Variants in NCKAP5 observed in about 807,000 individuals in gnomAD.
The protein encoded by NCKAP5 is NCK associated protein 5, also known as nck-associated protein 5.
In NCKAP5, 92 loss-of-function variants were observed where a neutral mutation model predicts 167.0. The observed-to-expected ratio is 0.55, with a 90% CI of 0.47 to 0.66. NCKAP5 has a LOEUF of 0.66. Ranked by LOEUF, NCKAP5 falls within the 30% of genes least tolerant of loss-of-function variation. The pLI is 0.00. For missense variants in NCKAP5, 2,378 were observed against 2,315.0 expected, an observed-to-expected ratio of 1.03 and a Z score of -0.56; for synonymous variants, 891 against 877.4, an observed-to-expected ratio of 1.02 and a Z score of -0.27.
intron 3 of NCKAP5, among the ~76,000 whole-genome samples, chr2:133,315,667 A>G (rs1352571632): frequency 6.6e-6 from 1 of 151,908 alleles, no homozygotes; most frequent in East Asian, 1.9e-4. Context: ...GAGGCCAGTG[A>G]GGGAGGAACA....
chr2:133,230,843 CAG>C (rs1434317110), intron 4 of NCKAP5, among the ~76,000 whole-genome samples: 1 of 152,112 alleles, frequency 6.6e-6, no homozygotes, highest in African/African-American at 2.4e-5. Flanking sequence ...TTTGTTTTTA[CAG>C]GTAAAGGATT....
chr2:133,372,519 T>A (rs1685870178), intron 3 of NCKAP5, among the ~76,000 whole-genome samples: 1 of 152,232 alleles, frequency 6.6e-6, no homozygotes, highest in Non-Finnish European at 1.5e-5. Flanking sequence ...TCCACTGGCT[T>A]AATTATTTCT....
At chr2:133,343,838 G>A (rs1173401480) in intron 3 of NCKAP5, among the ~76,000 whole-genome samples, 1 of 152,172 alleles carries the variant, frequency 6.6e-6, no homozygotes, top group Non-Finnish European at 1.5e-5. Flanking sequence ...TCGGAAGGAT[G>A]TGATTTGTAG....
intron 2 of NCKAP5, among the ~76,000 whole-genome samples, chr2:133,532,719 G>C (rs1685462124): frequency 6.6e-6 from 1 of 152,038 alleles, no homozygotes; most frequent in African/African-American, 2.4e-5. Context: ...TTGCCTGCCT[G>C]CCACCCAGAA....
chr2:132,857,437 T>G (rs1400804023), intron 11 of NCKAP5, among the ~76,000 whole-genome samples: 1 of 152,182 alleles, frequency 6.6e-6, no homozygotes, highest in East Asian at 1.9e-4. Flanking sequence ...TCAGCTCAAC[T>G]GGTAAGACAA....
intron 4 of NCKAP5, among the ~76,000 whole-genome samples, chr2:133,219,546 C>A (rs1184140415): frequency 1.3e-5 from 2 of 152,124 alleles, no homozygotes; most frequent in African/African-American, 4.8e-5. Flanking sequence ...AAGAGCACTC[C>A]AACTCTAAGT....
chr2:132,912,628 A>G (rs1694545410), intron 8 of NCKAP5, among the ~76,000 whole-genome samples: 1 of 152,138 alleles, frequency 6.6e-6, no homozygotes, highest in Non-Finnish European at 1.5e-5. Context: ...GTCCTTCCAG[A>G]GGCTAAGAAT....
the NCKAP5 span, among the ~76,000 whole-genome samples, chr2:133,577,645 C>T: frequency 6.6e-6 from 1 of 152,074 alleles, no homozygotes; most frequent in Non-Finnish European, 1.5e-5. Flanking sequence ...TTAGGTATAT[C>T]TCCTAATGCT....
the NCKAP5 span, among the ~76,000 whole-genome samples, chr2:133,575,850 A>C: frequency 6.6e-6 from 1 of 152,120 alleles, no homozygotes; most frequent in African/African-American, 2.4e-5. Context: ...AGCTCTTTTG[A>C]CCCATAGCAA....
At chr2:133,640,339 T>G in the NCKAP5 span, among the ~76,000 whole-genome samples, 3 of 152,160 alleles carry the variant, frequency 2.0e-5, no homozygotes, top group Admixed American at 6.5e-5. Context: ...GAAATTCACA[T>G]GAGTAGGGAA....
intron 5 of NCKAP5, among the ~76,000 whole-genome samples, chr2:133,138,978 C>T (rs1209185222): frequency 1.3e-5 from 2 of 152,210 alleles, no homozygotes; most frequent in African/African-American, 4.8e-5. Flanking sequence ...TTGCTTTAAA[C>T]TCACGAATTA....
intron 8 of NCKAP5, 133 bp from the exon 9 acceptor site, chr2:132,879,049 C>T: frequency 1.4e-6 from 1 of 703,912 alleles, no homozygotes; most frequent in Non-Finnish European, 2.5e-6. Flanking sequence ...ATGACAAGTT[C>T]ACTCTAAGTA....
At chr2:133,495,698 G>C (rs1054875286) in intron 3 of NCKAP5, among the ~76,000 whole-genome samples, 3 of 152,182 alleles carry the variant, frequency 2.0e-5, no homozygotes, top group African/African-American at 7.2e-5. Context: ...CTGTGGAGGG[G>C]GAAGGTGGAA....
chr2:132,734,865 A>C lies in NCKAP5; in HGVS notation c.5129-2814T>G, dbSNP rs1691357692. On this transcript the variant is annotated intron_variant, in intron 16 of 19. Transcript: ENST00000409261. ...CCGCAGAAGCACAAGTAAACCCCAA[A>C]GTGGGCTCTGCTCAGTTCATAGCCA... is the stretch of plus-strand genomic sequence containing the variant. Among the ~76,000 whole-genome samples the C allele has an allele frequency of 2.0e-5, 3 of 152,230 alleles. No homozygotes were observed. In the South Asian group the frequency reaches 6.2e-4, roughly 31 times the overall value.
chr2:133,547,155 T>C (rs374519775), intron 2 of NCKAP5, among the ~76,000 whole-genome samples: 234 of 152,254 alleles, frequency 1.5e-3, no homozygotes, highest in African/African-American at 5.0e-3. Context: ...CACCCGAATA[T>C]TGCGCTATTC....
At chr2:133,370,702 A>ATTT (rs57830853) in intron 3 of NCKAP5, among the ~76,000 whole-genome samples, 72 of 138,698 alleles carry the variant, frequency 5.2e-4, no homozygotes, top group African/African-American at 1.9e-3. Context: ...TGGCTAACGT[A>ATTT]TTTTTTTTTT....
intron 16 of NCKAP5, among the ~76,000 whole-genome samples, chr2:132,771,686 T>A (rs547793544): frequency 2.8e-4 from 43 of 151,726 alleles, no homozygotes; most frequent in African/African-American, 8.2e-4. Context: ...TTGTTTTTTT[T>A]TTTTGAGACA....
At chr2:132,894,767 G>A (rs972594247) in intron 8 of NCKAP5, among the ~76,000 whole-genome samples, 9 of 152,172 alleles carry the variant, frequency 5.9e-5, no homozygotes, top group Admixed American at 5.2e-4. Context: ...CAGATGGACA[G>A]TAGCAGGGTG....
In NCKAP5 at chr2:133,290,623, G is replaced by A. The variant is rs1679512357; in HGVS notation, c.143+12414C>T. Reference sequence around the variant, plus strand: ...CATTTTAACATTTTTAAGCCACTTAGACAAATGACTTTTTGCCATGCTTGC... The same window carrying A: ...CATTTTAACATTTTTAAGCCACTTAAACAAATGACTTTTTGCCATGCTTGC... On this transcript the variant is annotated intron_variant, in intron 4 of 19. Transcript: ENST00000409261. Among the ~76,000 whole-genome samples the A allele has an allele frequency of 1.3e-5, 2 of 150,934 alleles. 1 individual carries two copies. The highest frequency in any genetic ancestry group is 4.2e-4 in the South Asian group (2 of 4,778).
Sources: gnomAD v4.1 joint callset for allele counts (sites outside exome capture counted in the v4.1 genomes callset) on GRCh38, gnomAD v4.1.1 for gene constraint, MANE v1.5 for transcripts, NCBI Gene and HGNC (gene_info 2026-07-23, HGNC 2026-07-21) for gene names.